Variants in ZNF385D observed in about 807,000 individuals in gnomAD.
The protein encoded by ZNF385D is zinc finger protein 385D.
Under a neutral mutation model 35.8 loss-of-function variants are expected in ZNF385D, and 15 were observed. That is an observed-to-expected ratio of 0.42 (90% CI 0.28 to 0.64). ZNF385D has a LOEUF of 0.64. Ranked by LOEUF, ZNF385D falls within the 30% of genes least tolerant of loss-of-function variation. The pLI, the probability that ZNF385D is intolerant of heterozygous loss-of-function variation, is 0.23. For synonymous variants in ZNF385D, 212 were observed against 186.8 expected (o/e 1.13, Z -1.10); for missense variants, 474 against 494.6 (o/e 0.96, Z 0.39).
intron 3 of ZNF385D, among the ~76,000 whole-genome samples, chr3:21,856,806 T>G (rs146191102): frequency 1.3e-5 from 2 of 152,156 alleles, no homozygotes; most frequent in African/African-American, 4.8e-5. Flanking sequence ...TAATGACCTA[T>G]TCAACAAATA....
intron 3 of ZNF385D, among the ~76,000 whole-genome samples, chr3:22,132,580 A>G (rs748052779): frequency 6.6e-6 from 1 of 152,148 alleles, no homozygotes; most frequent in African/African-American, 2.4e-5. Flanking sequence ...CATATGCCTC[A>G]ATATACTATA....
chr3:22,233,087 T>G (rs1698988378), intron 2 of ZNF385D, among the ~76,000 whole-genome samples: 1 of 152,128 alleles, frequency 6.6e-6, no homozygotes, highest in East Asian at 1.9e-4. Flanking sequence ...ATTTTTTTTG[T>G]TTTTAGTATA....
intron 4 of ZNF385D, among the ~76,000 whole-genome samples, chr3:21,464,213 A>G (rs1361315531): frequency 3.3e-5 from 5 of 152,204 alleles, no homozygotes; most frequent in African/African-American, 4.8e-5. Context: ...TCATAATTTT[A>G]TAATCGCTGA....
chr3:21,943,742 G>T (rs892629748), intron 3 of ZNF385D, among the ~76,000 whole-genome samples: 1 of 152,036 alleles, frequency 6.6e-6, no homozygotes, highest in Non-Finnish European at 1.5e-5. Context: ...ATATAATTTT[G>T]CTAGCAAAGA....
chr3:22,021,986 T>A (rs543530552), intron 3 of ZNF385D, among the ~76,000 whole-genome samples: 1 of 152,166 alleles, frequency 6.6e-6, no homozygotes, highest in South Asian at 2.1e-4. Context: ...CATTTCCCCA[T>A]CCATGCCAGG....
chr3:22,363,266 A>C (rs557318315), intron 2 of ZNF385D, among the ~76,000 whole-genome samples: 2 of 152,066 alleles, frequency 1.3e-5, no homozygotes, highest in African/African-American at 2.4e-5. Context: ...CCAGCTTCTA[A>C]ACCATCACAA....
intron 3 of ZNF385D, among the ~76,000 whole-genome samples, chr3:22,162,243 A>C (rs936991346): frequency 1.3e-5 from 2 of 152,134 alleles, no homozygotes; most frequent in Non-Finnish European, 2.9e-5. Context: ...ATTTTACCCC[A>C]AAATATATTT....
At chr3:21,874,979 T>C (rs535818980) in intron 3 of ZNF385D, among the ~76,000 whole-genome samples, 283 of 124,562 alleles carry the variant, frequency 2.3e-3, no homozygotes, top group African/African-American at 8.0e-3. Context: ...TATTTTATTA[T>C]TTTGATGCCT....
At chr3:21,723,898 G>A (rs372660813) in intron 1 of ZNF385D, among the ~76,000 whole-genome samples, 2 of 152,154 alleles carry the variant, frequency 1.3e-5, no homozygotes, top group African/African-American at 4.8e-5. Context: ...GGCAGCCAGA[G>A]AGAAAGGTCA....
chr3:21,461,750 A>G (rs78017302), intron 4 of ZNF385D, among the ~76,000 whole-genome samples: 8,411 of 152,308 alleles, frequency 0.055, 326 homozygotes, highest in Non-Finnish European at 0.086. Context: ...ATCATACACT[A>G]TCAACTTGTA....
upstream of ZNF385D, chr3:21,751,428 A>T (rs1233131982): frequency 2.0e-6 from 2 of 1,003,452 alleles, no homozygotes; most frequent in Non-Finnish European, 2.4e-6. Context: ...GGAGAAATTC[A>T]CCACTGTGCA....
intron 2 of ZNF385D, among the ~76,000 whole-genome samples, chr3:22,265,088 T>C (rs185961071): frequency 9.9e-5 from 15 of 152,084 alleles, no homozygotes; most frequent in South Asian, 2.1e-4. Context: ...GATAGAATGA[T>C]GAGCAAAGGA....
chr3:22,229,470 T>G (rs1314054636), intron 2 of ZNF385D, among the ~76,000 whole-genome samples: 2 of 152,302 alleles, frequency 1.3e-5, no homozygotes, highest in East Asian at 3.9e-4. Context: ...GCATTGATAT[T>G]GTTGGCTGTT....
intron 2 of ZNF385D, among the ~76,000 whole-genome samples, chr3:22,178,194 C>T (rs1445716013): frequency 6.6e-6 from 1 of 152,158 alleles, no homozygotes; most frequent in African/African-American, 2.4e-5. Flanking sequence ...AGTTTACAGT[C>T]CCACCAACAG....
Position 22,337,170 on chromosome 3 carries a change from A to AT in ZNF385D, c.106+35279dup, listed in dbSNP as rs201716731. On this transcript the variant is annotated intron_variant, in intron 2 of 5. Coordinates refer to the ZNF385D transcript ENST00000494108. ...AGTAAAGCTTAACTTTTTCCATGAG[A>AT]TTTTTTTTTTAATGTGCTATGCTCA... Among the ~76,000 whole-genome samples, 1,459 of 149,572 alleles carry AT rather than the reference A, an allele frequency of 9.8e-3. 22 individuals carry two copies. Among genetic ancestry groups the AT allele is most frequent in the African/African-American group, 0.033 (1,335 of 40,942 alleles).
intron 2 of ZNF385D, among the ~76,000 whole-genome samples, chr3:22,274,611 C>G (rs748375668): frequency 6.6e-6 from 1 of 151,832 alleles, no homozygotes; most frequent in African/African-American, 2.4e-5. Flanking sequence ...GGCTGTTTAA[C>G]AGTTTGGCTC....
chr3:21,524,073 C>T (rs544510856), intron 3 of ZNF385D, among the ~76,000 whole-genome samples: 17 of 152,246 alleles, frequency 1.1e-4, no homozygotes, highest in Non-Finnish European at 2.1e-4. Flanking sequence ...TGCAAATGCA[C>T]GATTGGAGAT....
intron 3 of ZNF385D, among the ~76,000 whole-genome samples, chr3:21,852,339 T>G (rs1163885627): frequency 6.6e-6 from 1 of 151,862 alleles, no homozygotes. Flanking sequence ...CTCAATTAAT[T>G]GCATAGTACT....
intron 3 of ZNF385D, among the ~76,000 whole-genome samples, chr3:21,829,471 G>A (rs936831439): frequency 6.6e-6 from 1 of 152,126 alleles, no homozygotes; most frequent in East Asian, 1.9e-4. Flanking sequence ...TCAGAGAGAA[G>A]GGATGGGCCC....
Sources: allele counts gnomAD v4.1 joint callset (sites outside exome capture counted in the v4.1 genomes callset), GRCh38; gene constraint gnomAD v4.1.1; transcripts MANE v1.5; gene names NCBI Gene and HGNC (gene_info 2026-07-23, HGNC 2026-07-21).